The following KIAA1217 variants were observed in gnomAD, a reference collection of about 807,000 sequenced individuals.
KIAA1217 encodes the protein sickle tail protein homolog.
A neutral mutation model predicts 163.9 loss-of-function variants in KIAA1217; 88 were observed. The ratio of observed to expected loss-of-function variants is 0.54; its 90% CI spans 0.45 to 0.64. The LOEUF is 0.64. Among genes scored for constraint, KIAA1217 ranks in the 30% least tolerant of loss-of-function variants. The pLI is 0.00. For missense variants in KIAA1217, 2,372 were observed against 2,475.0 expected (o/e 0.96, Z 0.88); for synonymous variants, 903 against 923.1 (o/e 0.98, Z 0.39).
intron 2 of KIAA1217, among the ~76,000 whole-genome samples, chr10:24,306,945 A>AT (rs1411495288): frequency 1.1e-4 from 16 of 152,348 alleles, no homozygotes; most frequent in African/African-American, 3.6e-4. Flanking sequence ...ACGGCAAGAA[A>AT]TGACGGCTAC....
intron 1 of KIAA1217, among the ~76,000 whole-genome samples, chr10:23,703,735 C>G (rs1192585745): frequency 1.3e-5 from 2 of 152,080 alleles, no homozygotes; most frequent in South Asian, 4.1e-4. Flanking sequence ...TCCTCCTCCT[C>G]CCCTTTTCTT....
chr10:23,999,283 T>C (rs1251053015), intron 1 of KIAA1217, among the ~76,000 whole-genome samples: 1 of 152,156 alleles, frequency 6.6e-6, no homozygotes, highest in Non-Finnish European at 1.5e-5. Flanking sequence ...GGGTGCCTCA[T>C]TGCAAGAATC....
intron 1 of KIAA1217, among the ~76,000 whole-genome samples, chr10:23,899,355 A>T (rs536476819): frequency 2.0e-5 from 3 of 152,160 alleles, no homozygotes; most frequent in East Asian, 1.9e-4. Flanking sequence ...AATGCCTGCC[A>T]ATCTGGTGGG....
chr10:23,709,860 G>T (rs1837137289), intron 1 of KIAA1217, among the ~76,000 whole-genome samples: 1 of 152,204 alleles, frequency 6.6e-6, no homozygotes, highest in South Asian at 2.1e-4. Flanking sequence ...CTTAGCCATT[G>T]TGCCATGTTG....
At chr10:24,450,571 A>G (rs1168635556) in intron 5 of KIAA1217, among the ~76,000 whole-genome samples, 2 of 152,252 alleles carry the variant, frequency 1.3e-5, no homozygotes, top group Non-Finnish European at 2.9e-5. Context: ...TTTCAAAAGT[A>G]CATGTGTTCA....
At chr10:24,309,148 G>A (rs1163659118) in intron 2 of KIAA1217, among the ~76,000 whole-genome samples, 1 of 138,766 alleles carries the variant, frequency 7.2e-6, no homozygotes, top group African/African-American at 2.6e-5. Flanking sequence ...AAGGAAGGAA[G>A]GAAGGGAGGG....
At chr10:24,242,040 ACT>A in intron 2 of KIAA1217, among the ~76,000 whole-genome samples, 1 of 152,322 alleles carries the variant, frequency 6.6e-6, no homozygotes, top group East Asian at 1.9e-4. Context: ...CATTCCCAGC[ACT>A]GTTTGGGGGC....
At chr10:24,314,176 T>C (rs967066738) in intron 2 of KIAA1217, among the ~76,000 whole-genome samples, 5 of 152,164 alleles carry the variant, frequency 3.3e-5, no homozygotes, top group African/African-American at 1.2e-4. Context: ...TACCTTCGTT[T>C]AAAAAATAAG....
At chr10:24,412,457 C>T (rs141291842) in intron 3 of KIAA1217, among the ~76,000 whole-genome samples, 1 of 152,314 alleles carries the variant, frequency 6.6e-6, no homozygotes, top group East Asian at 1.9e-4. Flanking sequence ...CCATTGATGC[C>T]TTCAATCCCT....
intron 1 of KIAA1217, among the ~76,000 whole-genome samples, chr10:23,766,566 TTC>T (rs1834528300): frequency 6.6e-6 from 1 of 150,968 alleles, no homozygotes; most frequent in African/African-American, 2.5e-5. Flanking sequence ...TCTTTTTCTT[TTC>T]TTTTTTTTTT....
At chr10:24,358,976 C>T (rs2049509815) in intron 2 of KIAA1217, among the ~76,000 whole-genome samples, 1 of 151,892 alleles carries the variant, frequency 6.6e-6, no homozygotes, top group Admixed American at 6.6e-5. Context: ...CCACATAGTA[C>T]CTGAGATCTG....
intron 4 of KIAA1217, among the ~76,000 whole-genome samples, chr10:24,437,275 T>A (rs995104340): frequency 6.6e-6 from 1 of 152,152 alleles, no homozygotes; most frequent in African/African-American, 2.4e-5. Context: ...GGGCTGCTGG[T>A]TCCCCCTCAA....
chr10:24,387,264 A>C (rs2130693272), intron 3 of KIAA1217, among the ~76,000 whole-genome samples: 1 of 152,348 alleles, frequency 6.6e-6, no homozygotes, highest in Non-Finnish European at 1.5e-5. Flanking sequence ...GCAAATCAAT[A>C]AACATAATCC....
chr10:24,295,057 C>T (rs2040425641), intron 2 of KIAA1217, among the ~76,000 whole-genome samples: 1 of 152,204 alleles, frequency 6.6e-6, no homozygotes, highest in East Asian at 1.9e-4. Context: ...CTAAAACCAA[C>T]ATAGTATTGG....
chr10:24,451,453 GA>G (rs1418714034), intron 5 of KIAA1217, among the ~76,000 whole-genome samples: 1 of 152,230 alleles, frequency 6.6e-6, no homozygotes, highest in Non-Finnish European at 1.5e-5. Context: ...CCTGAAGATT[GA>G]GACATCAACA....
chr10:23,923,450 G>A (rs766556825), intron 1 of KIAA1217, among the ~76,000 whole-genome samples: 1 of 152,074 alleles, frequency 6.6e-6, no homozygotes, highest in Non-Finnish European at 1.5e-5. Flanking sequence ...TTGCAGCTGT[G>A]TTTAAATGAG....
At chr10:23,863,682 C>T (rs546443403) in intron 1 of KIAA1217, among the ~76,000 whole-genome samples, 1 of 152,280 alleles carries the variant, frequency 6.6e-6, no homozygotes, top group African/African-American at 2.4e-5. Flanking sequence ...TATGTCATAG[C>T]ATTACAAATG....
intron 2 of KIAA1217, among the ~76,000 whole-genome samples, chr10:24,258,814 C>G (rs994920179): frequency 1.3e-5 from 2 of 151,978 alleles, no homozygotes; most frequent in African/African-American, 2.4e-5. Flanking sequence ...AGGATGGTCT[C>G]GATCTCCTGA....
chr10:24,279,278 GT>G (rs1252516677), intron 2 of KIAA1217, among the ~76,000 whole-genome samples: 31 of 143,512 alleles, frequency 2.2e-4, no homozygotes, highest in Middle Eastern at 3.6e-3. Context: ...TTGTTTGTTT[GT>G]TTTTTTTTTT....
Sources: allele counts gnomAD v4.1 joint callset (sites outside exome capture counted in the v4.1 genomes callset), GRCh38; gene constraint gnomAD v4.1.1; transcripts MANE v1.5; gene names NCBI Gene and HGNC (gene_info 2026-07-23, HGNC 2026-07-21).